Variants in DMD observed in about 807,000 individuals in gnomAD.
The protein encoded by DMD is mutant dystrophin.
DMD carries 63 observed loss-of-function variants against 330.1 expected under a neutral mutation model. The observed-to-expected ratio is 0.19, with a 90% CI of 0.16 to 0.24. The LOEUF (loss-of-function observed/expected upper bound fraction) is 0.24. Among genes scored for constraint, DMD ranks in the 10% least tolerant of loss-of-function variants. The probability of loss-of-function intolerance (pLI) is 1.00; values close to 1 mark genes in which losing one functional copy is unlikely to be tolerated. For missense variants in DMD, 3,344 were observed against 2,684.1 expected, an observed-to-expected ratio of 1.25 and a Z score of -5.43; for synonymous variants, 1,223 against 959.8, an observed-to-expected ratio of 1.27 and a Z score of -5.07.
At chrX:32,277,897 T>G (rs2097396836) in intron 43 of DMD, among the ~76,000 whole-genome samples, 1 of 110,217 alleles carries the variant, frequency 9.1e-6, no homozygotes, top group Non-Finnish European at 1.9e-5. Context: ...CAATGCAACT[T>G]AAAGACCTAG....
Position 31,830,965 on chromosome X carries a change from C to T in DMD, c.7200+5753G>A, listed in dbSNP as rs748397836. The stretch of plus-strand genomic sequence containing the variant: ...ATCTTCTAGATAAACACTAAGATAC[C>T]TAATCACTACATTGACTCTGTTTCT... On this transcript the variant is annotated intron_variant, in intron 49 of 78. Transcript: ENST00000357033. 1.2e-4 allele frequency among the ~76,000 whole-genome samples: 13 copies of T among 111,915 alleles called. No individual in the cohort carries two copies. In the Admixed American group the frequency reaches 1.2e-3, roughly 11 times the overall value.
chrX:32,574,185 C>G (rs2052755784), intron 13 of DMD, among the ~76,000 whole-genome samples: 1 of 111,468 alleles, frequency 9.0e-6, no homozygotes, highest in South Asian at 3.7e-4. Context: ...GTGTATTTTC[C>G]TTAGGTTTGA....
chrX:31,876,842 G>A (rs1304467083), intron 47 of DMD, among the ~76,000 whole-genome samples: 1 of 111,449 alleles, frequency 9.0e-6, no homozygotes, highest in East Asian at 2.8e-4. Context: ...AGCTCTTTAC[G>A]AGACTATTAA....
chrX:31,172,943 G>T lies in DMD; in HGVS notation c.10329-530C>A, dbSNP rs187612687. On this transcript the variant is annotated intron_variant, in intron 72 of 78. Transcript: ENST00000357033. The stretch of plus-strand genomic sequence containing the variant: ...TTCACCTCAGGCAATTATACAGGGG[G>T]TTTTTTGTTTGTTTGTTTGTTTGTT... Among the ~76,000 whole-genome samples, 469 of 111,541 alleles carry T rather than the reference G, an allele frequency of 4.2e-3. 4 individuals are homozygous for T. Among genetic ancestry groups the T allele is most frequent in the Middle Eastern group, 0.014 (3 of 218 alleles).
At chrX:31,972,067 C>G (rs762945616) in intron 44 of DMD, among the ~76,000 whole-genome samples, 5 of 111,339 alleles carry the variant, frequency 4.5e-5, no homozygotes, top group Non-Finnish European at 9.5e-5. Context: ...CATTCTAAGT[C>G]TACTGAATCA....
intron 59 of DMD, among the ~76,000 whole-genome samples, chrX:31,460,833 C>T (rs1184380977): frequency 8.9e-6 from 1 of 111,784 alleles, no homozygotes; most frequent in Non-Finnish European, 1.9e-5. Flanking sequence ...CCACCCACCT[C>T]GGCCTCCCAA....
At chrX:33,012,546 T>A (rs1225693025) in intron 2 of DMD, among the ~76,000 whole-genome samples, 1 of 111,637 alleles carries the variant, frequency 9.0e-6, no homozygotes, top group African/African-American at 3.2e-5. Context: ...ATATTAACAT[T>A]TAAAGTACAA....
At chrX:32,511,524 G>GGGGA (rs766801853) in intron 18 of DMD, among the ~76,000 whole-genome samples, 7 of 49,776 alleles carry the variant, frequency 1.4e-4, no homozygotes, top group Admixed American at 3.2e-4. Flanking sequence ...TCCGTCTCGG[G>GGGGA]AAAAAAAAAA....
At chrX:32,951,521 T>C (rs2091246936) in intron 2 of DMD, among the ~76,000 whole-genome samples, 1 of 111,526 alleles carries the variant, frequency 9.0e-6, no homozygotes, top group Non-Finnish European at 1.9e-5. Context: ...TACCTTAAAC[T>C]GATCGAAAAT....
In DMD at chrX:32,824,346, G is replaced by A. The variant is rs188106378; in HGVS notation, c.265-959C>T. On this transcript the variant is annotated intron_variant, in intron 4 of 78. Coordinates refer to ENST00000357033, the MANE Select transcript of DMD (RefSeq NM_004006.3). ...TTTATTTGTAATAGCCCCAAACTGG[G>A]AACCCAGATGCCCTCAGGGGTAGAT... is the stretch of plus-strand genomic sequence containing the variant. Among the ~76,000 whole-genome samples, 562 of 111,940 alleles carry A rather than the reference G, an allele frequency of 5.0e-3. 1 individual carries two copies. The highest frequency in any genetic ancestry group is 0.023 in the Middle Eastern group (5 of 214).
At chrX:32,922,812 T>C (rs2146590411) in intron 2 of DMD, among the ~76,000 whole-genome samples, 1 of 112,182 alleles carries the variant, frequency 8.9e-6, no homozygotes, top group South Asian at 3.7e-4. Context: ...GCAGCATTTC[T>C]GAAACTGTTC....
At chrX:31,124,783 T>G (rs995637742) in intron 78 of DMD, among the ~76,000 whole-genome samples, 1 of 112,026 alleles carries the variant, frequency 8.9e-6, no homozygotes, top group Non-Finnish European at 1.9e-5. Flanking sequence ...GCGATTGGAA[T>G]TGAGACTTTC....
intron 49 of DMD, among the ~76,000 whole-genome samples, chrX:31,834,263 T>C (rs1293768995): frequency 1.8e-5 from 2 of 111,596 alleles, no homozygotes; most frequent in East Asian, 5.6e-4. Flanking sequence ...CTGGGTGTCA[T>C]GTTCAAAACT....
intron 19 of DMD, among the ~76,000 whole-genome samples, chrX:32,498,088 C>T (rs1440033878): frequency 1.8e-5 from 2 of 111,214 alleles, no homozygotes; most frequent in African/African-American, 6.5e-5. Flanking sequence ...TGCACAGCTA[C>T]ATGAATATAT....
chrX:32,294,589 C>A (rs771885861), intron 42 of DMD, among the ~76,000 whole-genome samples: 1 of 111,207 alleles, frequency 9.0e-6, no homozygotes, highest in Non-Finnish European at 1.9e-5. Flanking sequence ...ATGTTACTAA[C>A]GCGGGAAAAC....
At chrX:32,524,565 T>C (rs1658764123) in intron 17 of DMD, among the ~76,000 whole-genome samples, 1 of 112,431 alleles carries the variant, frequency 8.9e-6, no homozygotes, top group African/African-American at 3.2e-5. Flanking sequence ...AATCAGCTTC[T>C]AGCCTAGAGG....
chrX:31,465,067 C>G (rs2066762855), intron 59 of DMD, among the ~76,000 whole-genome samples: 1 of 112,005 alleles, frequency 8.9e-6, no homozygotes, highest in Admixed American at 9.5e-5. Context: ...TTTGACATTG[C>G]TGTCCTAAGT....
intron 62 of DMD, among the ~76,000 whole-genome samples, chrX:31,317,613 G>A (rs928244769): frequency 4.7e-5 from 5 of 105,968 alleles, no homozygotes; most frequent in East Asian, 2.9e-4. Flanking sequence ...CCGGGTTTAC[G>A]CCATTCTCCT....
At chrX:31,726,844 C>A in intron 52 of DMD, among the ~76,000 whole-genome samples, 1 of 111,633 alleles carries the variant, frequency 9.0e-6, no homozygotes, top group Non-Finnish European at 1.9e-5. Flanking sequence ...CTTTCTTGGA[C>A]CATTTGGATT....
Sources: allele counts gnomAD v4.1 joint callset (sites outside exome capture counted in the v4.1 genomes callset), GRCh38; gene constraint gnomAD v4.1.1; transcripts MANE v1.5; gene names NCBI Gene and HGNC (gene_info 2026-07-23, HGNC 2026-07-21).